CCAR1: variants seen among roughly 807,000 people sequenced by gnomAD.
The protein encoded by CCAR1 is cell division cycle and apoptosis regulator protein 1.
A neutral mutation model predicts 163.8 loss-of-function variants in CCAR1; 78 were observed. The observed-to-expected ratio is 0.48, with a 90% CI of 0.40 to 0.57. The LOEUF is 0.57. Among genes scored for constraint, CCAR1 ranks in the 20% least tolerant of loss-of-function variants. The probability of loss-of-function intolerance (pLI) is 0.00; values close to 1 mark genes in which losing one functional copy is unlikely to be tolerated. For synonymous variants in CCAR1, 443 were observed against 460.7 expected, an observed-to-expected ratio of 0.96 and a Z score of 0.49; for missense variants, 1,019 against 1,365.2, an observed-to-expected ratio of 0.75 and a Z score of 4.00.
intron 19 of CCAR1, among the ~76,000 whole-genome samples, chr10:68,782,521 C>G (rs1160104772): frequency 1.3e-5 from 2 of 152,138 alleles, no homozygotes; most frequent in Non-Finnish European, 2.9e-5. Flanking sequence ...GGAGACAAAA[C>G]AGCCTTCTTC....
At chr10:68,726,175 T>C (rs1332783700) in intron 2 of CCAR1, among the ~76,000 whole-genome samples, 1 of 151,210 alleles carries the variant, frequency 6.6e-6, no homozygotes, top group Non-Finnish European at 1.5e-5. Context: ...TTTTTGAGAT[T>C]GAGTCTCGCT....
At chr10:68,721,522 C>T in intron 1 of CCAR1, 2 of 444,828 alleles carry the variant, frequency 4.5e-6, no homozygotes, top group South Asian at 1.6e-5. Flanking sequence ...GCCCCCAGCG[C>T]CCCTCAGCCT....
chr10:68,785,119 G>A (rs939193209), intron 19 of CCAR1, among the ~76,000 whole-genome samples: 6 of 151,340 alleles, frequency 4.0e-5, no homozygotes, highest in East Asian at 1.9e-4. Context: ...GGATTTCACC[G>A]TGTTAGCCAG....
Position 68,773,062 on chromosome 10 carries a change from C to A in CCAR1, c.2613C>A (p.Asp871Glu). The A allele has an allele frequency of 1.3e-6, 2 of 1,562,178 alleles. No individual in the cohort carries two copies. The highest frequency in any genetic ancestry group is 1.2e-5 in the South Asian group (1 of 83,410). Residue 871 changes from aspartate to glutamate, a missense_variant, in exon 19 of 25, where the codon GAC becomes GAA. Coordinates refer to ENST00000265872, the MANE Select transcript of CCAR1 (RefSeq NM_018237.4). ...AAGATAACAATCAAGATGAATATGA[C>A]CCTATGGAAGCAGAAGAAGCTGAGG... Reference protein sequence around the residue: ...TEEDNNQDEYDPMEAEEAEDE... With the variant: ...TEEDNNQDEYEPMEAEEAEDE...
chr10:68,735,996 G>T (rs1053497629), intron 2 of CCAR1, among the ~76,000 whole-genome samples: 3 of 151,988 alleles, frequency 2.0e-5, no homozygotes, highest in Non-Finnish European at 2.9e-5. Flanking sequence ...GGTACTACAG[G>T]CGTGTGTCAC....
chr10:68,779,313 C>T (rs1466628499), intron 19 of CCAR1, among the ~76,000 whole-genome samples: 6 of 150,672 alleles, frequency 4.0e-5, no homozygotes, highest in Non-Finnish European at 5.9e-5. Context: ...CCTGGAGTGT[C>T]GTCGCGTGAT....
chr10:68,753,466 A>T (rs889319345), intron 10 of CCAR1, among the ~76,000 whole-genome samples: 2 of 152,200 alleles, frequency 1.3e-5, no homozygotes, highest in Admixed American at 6.5e-5. Flanking sequence ...GGGCGTACAG[A>T]AATACTAATA....
chr10:68,748,961 A>T (rs1245724211), intron 8 of CCAR1, among the ~76,000 whole-genome samples, 175 bp from the exon 9 acceptor site: 2 of 152,136 alleles, frequency 1.3e-5, no homozygotes, highest in Non-Finnish European at 2.9e-5. Flanking sequence ...TACTGGTGTG[A>T]GCCACCGCAG....
intron 16 of CCAR1, among the ~76,000 whole-genome samples, chr10:68,761,911 C>T (rs1354696023): frequency 1.3e-5 from 2 of 152,054 alleles, no homozygotes; most frequent in East Asian, 3.9e-4. Flanking sequence ...CATGCATATG[C>T]GTTTATTAAG....
In CCAR1 at chr10:68,791,375, A is replaced by C. The variant is rs2133445363; in HGVS notation, c.*109A>C. On this transcript the variant is annotated 3_prime_UTR_variant, in exon 25 of 25. Coordinates refer to ENST00000265872, the MANE Select transcript of CCAR1 (RefSeq NM_018237.4). ...TGTTTGATTTTAGTAGTATAAATGT[A>C]TTTTAGTTCAAATGATGTATAAAGT... 1 of 634,960 alleles carries C rather than the reference A, an allele frequency of 1.6e-6. No homozygotes were observed. Among genetic ancestry groups the C allele is most frequent in the Non-Finnish European group, 2.6e-6 (1 of 387,250 alleles). 39.3% of individuals were successfully genotyped at this position (634,960 alleles called of 1,614,324 possible).
intron 10 of CCAR1, among the ~76,000 whole-genome samples, chr10:68,752,160 CGCCCACCTCG>C (rs2056340886): frequency 6.6e-6 from 1 of 151,846 alleles, no homozygotes; most frequent in African/African-American, 2.4e-5. Flanking sequence ...CCTCATGATC[CGCCCACCTCG>C]GCCTCCCAAA....
At chr10:68,768,270 G>T (rs755423779) in intron 17 of CCAR1, among the ~76,000 whole-genome samples, 17 of 152,028 alleles carry the variant, frequency 1.1e-4, no homozygotes, top group Non-Finnish European at 2.2e-4. Flanking sequence ...CCAATAAGCA[G>T]ATGTCCTTAA....
intron 2 of CCAR1, among the ~76,000 whole-genome samples, chr10:68,735,241 G>A (rs2056093180): frequency 1.3e-5 from 2 of 152,072 alleles, no homozygotes; most frequent in African/African-American, 4.8e-5. Context: ...CCACCTACTC[G>A]GAAGGCTGAG....
intron 16 of CCAR1, 68 bp downstream of exon 16, chr10:68,761,260 G>A (rs1414526343): frequency 6.5e-6 from 5 of 768,994 alleles, no homozygotes; most frequent in African/African-American, 5.4e-5. Flanking sequence ...CTTGGAATAC[G>A]TGAGTTAAGA....
intron 19 of CCAR1, among the ~76,000 whole-genome samples, chr10:68,779,406 G>A (rs1286783149): frequency 6.6e-6 from 1 of 151,588 alleles, no homozygotes; most frequent in African/African-American, 2.4e-5. Flanking sequence ...TTACAGACAT[G>A]CACCACCATG....
chr10:68,739,115 T>TA (rs1198447304), intron 4 of CCAR1, among the ~76,000 whole-genome samples: 10 of 152,330 alleles, frequency 6.6e-5, no homozygotes, highest in African/African-American at 2.4e-4. Context: ...GAAATACAGA[T>TA]ATGCTTTAGT....
At chr10:68,775,497 C>CTTTTTTTTTTTTTTTT (rs58856212) in intron 19 of CCAR1, among the ~76,000 whole-genome samples, 9 of 117,968 alleles carry the variant, frequency 7.6e-5, no homozygotes, top group Non-Finnish European at 1.1e-4. Flanking sequence ...GCCTCATTTT[C>CTTTTTTTTTTTTTTTT]TTTTTTTTTT....
intron 15 of CCAR1, among the ~76,000 whole-genome samples, chr10:68,758,503 AGTGTGTGTGTGTGTGTGTGTGTGT>A (rs71028777): frequency 5.6e-5 from 7 of 124,576 alleles, no homozygotes; most frequent in African/African-American, 9.0e-5. Flanking sequence ...CATCCTGGGC[AGTGTGTGTGTGTGTGTGTGTGTGT>A]GTGTGTGTGT....
chr10:68,737,837 T>C lies in CCAR1; in HGVS notation c.247-8T>C. The C allele has an allele frequency of 6.3e-7, 1 of 1,575,360 alleles. No individual in the cohort carries two copies. The highest frequency in any genetic ancestry group is 8.6e-7 in the Non-Finnish European group (1 of 1,161,426). On this transcript the variant is annotated splice_region_variant and splice_polypyrimidine_tract_variant and intron_variant, in intron 3 of 24. Coordinates refer to ENST00000265872, the MANE Select transcript of CCAR1 (RefSeq NM_018237.4). ...TTTTCTTTGAAAAATTTTTTTTTAA[T>C]CTTTCAGCAATATTCACAACCTCAG...
Sources: gnomAD v4.1 joint callset for allele counts (sites outside exome capture counted in the v4.1 genomes callset) on GRCh38, gnomAD v4.1.1 for gene constraint, MANE v1.5 for transcripts, NCBI Gene and HGNC (gene_info 2026-07-23, HGNC 2026-07-21) for gene names.